VPS13B: variants seen among roughly 807,000 people sequenced by gnomAD.
VPS13B encodes the protein vacuolar protein sorting 13 homolog B.
A neutral mutation model predicts 426.4 loss-of-function variants in VPS13B; 285 were observed. The observed-to-expected ratio is 0.67, with a 90% CI of 0.61 to 0.74. The LOEUF (loss-of-function observed/expected upper bound fraction) is 0.74, where lower values mean the gene tolerates loss of function less well. VPS13B is among the 30% of genes least tolerant of loss of function. The pLI is 0.00. For synonymous variants in VPS13B, 1,676 were observed against 1,676.4 expected, an observed-to-expected ratio of 1.00 and a Z score of 0.01; for missense variants, 4,537 against 4,782.6, an observed-to-expected ratio of 0.95 and a Z score of 1.51.
chr8:99,725,599 A>G (rs932454838), intron 39 of VPS13B, among the ~76,000 whole-genome samples: 5 of 152,224 alleles, frequency 3.3e-5, no homozygotes, highest in Non-Finnish European at 2.9e-5. Context: ...CCACTGCTTT[A>G]CAGTATCCAT....
Position 99,692,435 on chromosome 8 carries a change from G to A in VPS13B, c.6047-7090G>A, listed in dbSNP as rs1201004221. On this transcript the variant is annotated intron_variant, in intron 35 of 61. Coordinates refer to ENST00000357162, the MANE Select transcript of VPS13B (RefSeq NM_152564.5). ...CATGGAAACTGAACAACCTGCTCCT[G>A]AATGACTACTGGGTACATAACGAAA... Among the ~76,000 whole-genome samples, 768 of 144,320 alleles carry A rather than the reference G, an allele frequency of 5.3e-3. 13 individuals carry two copies. Among genetic ancestry groups the A allele is most frequent in the African/African-American group, 0.019 (721 of 37,184 alleles). 94.7% of individuals were successfully genotyped at this position (144,320 alleles called of 152,430 possible).
chr8:99,449,320 G>A (rs1296174130), intron 23 of VPS13B, among the ~76,000 whole-genome samples: 4 of 152,026 alleles, frequency 2.6e-5, no homozygotes, highest in African/African-American at 9.7e-5. Context: ...AAAGAAAGAG[G>A]GCCAGTTTTT....
At chr8:99,809,559 C>G (rs746422993) in intron 44 of VPS13B, 29 bp downstream of exon 44, 1 of 1,613,508 alleles carries the variant, frequency 6.2e-7, no homozygotes, top group Non-Finnish European at 8.5e-7. Flanking sequence ...ATGACCCAGA[C>G]ACCTCTTAAT....
rs910895175 is a variant in VPS13B, at chr8:99,828,413, T to G, written c.9331-3956T>G. On this transcript the variant is annotated intron_variant, in intron 51 of 61. Transcript: ENST00000357162. ...ACCACCGTTTTTTTTTTTTTTTTTTTTTTTTTTTTTTTTTTTTTTTTGCTT... is the reference window on the plus strand; with the variant it reads ...ACCACCGTTTTTTTTTTTTTTTTTTGTTTTTTTTTTTTTTTTTTTTTGCTT... Among the ~76,000 whole-genome samples the G allele has an allele frequency of 2.7e-3, 307 of 114,302 alleles. 9 individuals carry two copies. The highest frequency in any genetic ancestry group is 4.0e-3 in the Admixed American group (46 of 11,370). 75.0% of individuals were successfully genotyped at this position (114,302 alleles called of 152,430 possible).
At chr8:99,494,948 T>C (rs1820809948) in intron 25 of VPS13B, among the ~76,000 whole-genome samples, 1 of 152,040 alleles carries the variant, frequency 6.6e-6, no homozygotes, top group Non-Finnish European at 1.5e-5. Flanking sequence ...TTTTTCTATC[T>C]TAAATATTTG....
intron 3 of VPS13B, among the ~76,000 whole-genome samples, chr8:99,049,023 C>T (rs1843379923): frequency 6.6e-6 from 1 of 152,028 alleles, no homozygotes; most frequent in Non-Finnish European, 1.5e-5. Context: ...AATGTCTTTC[C>T]ACCCCTTTAC....
intron 3 of VPS13B, among the ~76,000 whole-genome samples, chr8:99,079,098 A>G (rs1845298718): frequency 6.6e-6 from 1 of 151,972 alleles, no homozygotes; most frequent in South Asian, 2.1e-4. Context: ...AGGGCTCTGG[A>G]GAATGGGCGT....
intron 19 of VPS13B, among the ~76,000 whole-genome samples, chr8:99,326,401 A>G (rs1810260084): frequency 6.7e-6 from 1 of 149,860 alleles, no homozygotes; most frequent in South Asian, 2.1e-4. Context: ...TTTATGAAAA[A>G]ATTAAATAAT....
At chr8:99,310,707 G>T (rs1800618887) in intron 19 of VPS13B, among the ~76,000 whole-genome samples, 2 of 152,178 alleles carry the variant, frequency 1.3e-5, no homozygotes, top group South Asian at 4.1e-4. Context: ...CTCATAAAAT[G>T]AGTTAGGGAG....
At chr8:99,675,213 G>A (rs996422500) in intron 35 of VPS13B, among the ~76,000 whole-genome samples, 2 of 152,052 alleles carry the variant, frequency 1.3e-5, no homozygotes, top group African/African-American at 4.8e-5. Flanking sequence ...CAGTATTCTT[G>A]GTTTGCAGGT....
chr8:99,447,075 A>G (rs1191666102), intron 23 of VPS13B, among the ~76,000 whole-genome samples: 2 of 152,082 alleles, frequency 1.3e-5, no homozygotes, highest in African/African-American at 2.4e-5. Context: ...ACTCTTGCCT[A>G]CTATACCTAA....
intron 54 of VPS13B, among the ~76,000 whole-genome samples, chr8:99,845,639 G>T (rs570605869): frequency 6.6e-6 from 1 of 152,170 alleles, no homozygotes; most frequent in Admixed American, 6.5e-5. Flanking sequence ...GAAGAAAGTC[G>T]CATAGCCACG....
At chr8:99,173,081 T>A (rs1812441807) in intron 16 of VPS13B, among the ~76,000 whole-genome samples, 1 of 152,216 alleles carries the variant, frequency 6.6e-6, no homozygotes, top group African/African-American at 2.4e-5. Flanking sequence ...TATTTCTTTT[T>A]AAGGTTGAGG....
intron 19 of VPS13B, among the ~76,000 whole-genome samples, chr8:99,342,351 C>T (rs967732328): frequency 1.3e-5 from 2 of 152,144 alleles, no homozygotes; most frequent in African/African-American, 4.8e-5. Flanking sequence ...CTTATGCCTC[C>T]TCTCTGTCTG....
chr8:99,024,092 A>G (rs912241264), intron 2 of VPS13B, among the ~76,000 whole-genome samples: 1 of 152,098 alleles, frequency 6.6e-6, no homozygotes, highest in East Asian at 1.9e-4. Context: ...TGTTTGGGTA[A>G]TAGCTATTCT....
In VPS13B at chr8:99,163,745, C is replaced by T. The variant is rs566227109; in HGVS notation, c.2209-6294C>T. 4.9e-4 allele frequency among the ~76,000 whole-genome samples: 75 copies of T among 152,132 alleles called. 1 individual carries two copies. The highest frequency in any genetic ancestry group is 1.7e-3 in the African/African-American group (71 of 41,484). Reference sequence around the variant, plus strand: ...CACAGAACTCCAGCTGGCCTGCAAGCGCCGCACACAGCCCCGGTTCCCGCT... The same window carrying T: ...CACAGAACTCCAGCTGGCCTGCAAGTGCCGCACACAGCCCCGGTTCCCGCT... On this transcript the variant is annotated intron_variant, in intron 15 of 61. Coordinates refer to ENST00000357162, the MANE Select transcript of VPS13B (RefSeq NM_152564.5).
intron 42 of VPS13B, among the ~76,000 whole-genome samples, chr8:99,780,098 G>A (rs1811937958): frequency 6.6e-6 from 1 of 152,104 alleles, no homozygotes; most frequent in South Asian, 2.1e-4. Flanking sequence ...TCTGTTTTAT[G>A]TTTTAAAAAT....
intron 17 of VPS13B, among the ~76,000 whole-genome samples, chr8:99,271,233 CT>C (rs1818584731): frequency 6.7e-6 from 1 of 150,136 alleles, no homozygotes; most frequent in African/African-American, 2.4e-5. Context: ...ACTACTACTA[CT>C]ACTACTACTA....
intron 43 of VPS13B, among the ~76,000 whole-genome samples, chr8:99,806,268 G>A (rs893694423): frequency 1.3e-5 from 2 of 152,008 alleles, no homozygotes; most frequent in African/African-American, 4.8e-5. Flanking sequence ...CTTTTCTCTC[G>A]CCAGTTGAGA....
Sources: gnomAD v4.1 joint callset for allele counts (sites outside exome capture counted in the v4.1 genomes callset) on GRCh38, gnomAD v4.1.1 for gene constraint, MANE v1.5 for transcripts, NCBI Gene and HGNC (gene_info 2026-07-23, HGNC 2026-07-21) for gene names.